Variants in TAOK1 observed in about 807,000 individuals in gnomAD.
The protein encoded by TAOK1 is serine/threonine-protein kinase TAO1.
TAOK1 carries 21 observed loss-of-function variants against 138.3 expected under a neutral mutation model. The observed-to-expected ratio is 0.15, with a 90% CI of 0.11 to 0.22. TAOK1 has a LOEUF of 0.22. Among genes scored for constraint, TAOK1 ranks in the 10% least tolerant of loss-of-function variants. The pLI is 1.00. For missense variants in TAOK1, 651 were observed against 1,227.7 expected, an observed-to-expected ratio of 0.53 and a Z score of 7.02; for synonymous variants, 361 against 398.4, an observed-to-expected ratio of 0.91 and a Z score of 1.12.
At chr17:29,444,532 T>C (rs2030028408) in intron 1 of TAOK1, among the ~76,000 whole-genome samples, 2 of 152,222 alleles carry the variant, frequency 1.3e-5, no homozygotes, top group South Asian at 2.1e-4. Context: ...TTTTTGACTT[T>C]TTCCTGTCTT....
Position 29,549,486 on chromosome 17 carries a change from C to A in TAOK1, c.*6464C>A, listed in dbSNP as rs2032455549. The A allele has an allele frequency of 6.6e-6, 1 of 152,136 alleles. No individual in the cohort carries two copies. Among genetic ancestry groups the A allele is most frequent in the Non-Finnish European group, 1.5e-5 (1 of 68,010 alleles). The allele number at this position is 152,136 out of a possible 1,614,324, so 9.4% of individuals were successfully genotyped here. On this transcript the variant is annotated 3_prime_UTR_variant, in exon 20 of 20. Coordinates refer to ENST00000261716, the MANE Select transcript of TAOK1 (RefSeq NM_020791.4). ...TAGGGCCACTTGAAAGCATGAAGAC[C>A]AGTTATATAGGGAACAGGTTTCTCT... is the stretch of plus-strand genomic sequence containing the variant.
chr17:29,509,659 C>T (rs2031684312), intron 14 of TAOK1, among the ~76,000 whole-genome samples: 1 of 151,786 alleles, frequency 6.6e-6, no homozygotes, highest in Non-Finnish European at 1.5e-5. Flanking sequence ...TTTGGGAGGC[C>T]GAGGTGAGAA....
intron 1 of TAOK1, among the ~76,000 whole-genome samples, chr17:29,417,283 G>T (rs188993963): frequency 6.6e-6 from 1 of 152,306 alleles, no homozygotes; most frequent in African/African-American, 2.4e-5. Flanking sequence ...CCTAAGTGCT[G>T]GGATTACAGG....
At chr17:29,442,053 T>G (rs116002361) in intron 1 of TAOK1, among the ~76,000 whole-genome samples, 404 of 152,158 alleles carry the variant, frequency 2.7e-3, no homozygotes, top group Middle Eastern at 0.01. Flanking sequence ...CTGTCTTTTT[T>G]TTTGTTTGTT....
At chr17:29,536,979 C>G (rs2032234577) in intron 19 of TAOK1, among the ~76,000 whole-genome samples, 1 of 152,094 alleles carries the variant, frequency 6.6e-6, no homozygotes, top group South Asian at 2.1e-4. Context: ...GGATTACAGG[C>G]GTGAGCCACA....
chr17:29,422,088 A>G (rs371929772), intron 1 of TAOK1, among the ~76,000 whole-genome samples: 1,630 of 151,940 alleles, frequency 0.011, 36 homozygotes, highest in African/African-American at 0.037. Flanking sequence ...TAGTAGAGAC[A>G]GGGTTTCACT....
intron 2 of TAOK1, among the ~76,000 whole-genome samples, chr17:29,457,089 CTTTTTTTT>C (rs548221652): frequency 2.8e-5 from 3 of 107,408 alleles, no homozygotes; most frequent in African/African-American, 7.6e-5. Context: ...TTTTCTTTTT[CTTTTTTTT>C]TTTTTTTTTT....
At chr17:29,441,848 A>G (rs1465290387) in intron 1 of TAOK1, among the ~76,000 whole-genome samples, 1 of 151,938 alleles carries the variant, frequency 6.6e-6, no homozygotes, top group East Asian at 1.9e-4. Flanking sequence ...CAGTGTGCCA[A>G]GGTCGCCGCC....
At position 29,544,266 on chromosome 17, in the gene TAOK1, C is replaced by G. The variant is rs997045305; in HGVS notation, c.*1244C>G. On this transcript the variant is annotated 3_prime_UTR_variant, in exon 20 of 20. Transcript: ENST00000261716. ...AGCCAATGACTTTACCAGCTGCTGA[C>G]TAATCTTCATCACCACTGTAGATTT... The G allele has an allele frequency of 6.6e-6, 1 of 152,652 alleles. No individual in the cohort carries two copies. The highest frequency in any genetic ancestry group is 6.5e-5 in the Admixed American group (1 of 15,286). 9.5% of individuals were successfully genotyped at this position (152,652 alleles called of 1,614,324 possible).
intron 2 of TAOK1, among the ~76,000 whole-genome samples, chr17:29,453,809 G>GTT (rs532165582): frequency 1.3e-4 from 16 of 120,256 alleles, no homozygotes; most frequent in African/African-American, 3.3e-4. Context: ...AGGTTTTTTT[G>GTT]TTTTTTTTTT....
At position 29,478,162 on chromosome 17, in the gene TAOK1, T is replaced by A. The variant is rs2030986230; in HGVS notation, c.353-89T>A. 6.4e-6 allele frequency: 5 copies of A among 786,034 alleles called. No homozygotes were observed. In the Admixed American group the frequency reaches 1.5e-4, roughly 24 times the overall value. 48.7% of individuals were successfully genotyped at this position (786,034 alleles called of 1,614,324 possible). A position where few individuals can be genotyped will look rare whatever the true frequency, so the allele number is the denominator to read the frequency against. On this transcript the variant is annotated intron_variant, in intron 5 of 19. Transcript: ENST00000261716. ...AAAATAAATCTCTTCTTGCTAAGTA[T>A]CAGTTTTTAAAAATTGCCCCATGTA...
intron 1 of TAOK1, among the ~76,000 whole-genome samples, chr17:29,427,753 C>T (rs1286622166): frequency 3.3e-5 from 5 of 151,748 alleles, no homozygotes; most frequent in African/African-American, 4.8e-5. Context: ...ATGGTGAAAC[C>T]TTGTCTCCAC....
chr17:29,417,377 G>A (rs542911838), intron 1 of TAOK1, among the ~76,000 whole-genome samples: 24 of 152,218 alleles, frequency 1.6e-4, no homozygotes, highest in African/African-American at 5.5e-4. Context: ...AATTCCTTAT[G>A]TATTCAGGAT....
At chr17:29,450,285 C>T (rs1264826301) in intron 1 of TAOK1, among the ~76,000 whole-genome samples, 1 of 152,132 alleles carries the variant, frequency 6.6e-6, no homozygotes, top group East Asian at 1.9e-4. Context: ...GAAGATCTTG[C>T]TGTGTTGTCT....
At chr17:29,462,860 C>T (rs368769681) in intron 2 of TAOK1, among the ~76,000 whole-genome samples, 1 of 152,192 alleles carries the variant, frequency 6.6e-6, no homozygotes, top group African/African-American at 2.4e-5. Flanking sequence ...CTCTCAACAG[C>T]ATCTAGTTTG....
rs552551334 is a variant in TAOK1 at position 29,481,812 on chromosome 17, T to C, written c.564-385T>C. Among the ~76,000 whole-genome samples, 28 of 151,892 alleles carry C rather than the reference T, an allele frequency of 1.8e-4. No individual in the cohort carries two copies. The South Asian group carries it at 5.8e-3, about 32-fold the overall frequency. ...ATCTCTACTAAAAAATACAAAAAAT[T>C]AGCCAGGCATGGTGGCGGGCGCCTG... On this transcript the variant is annotated intron_variant, in intron 7 of 19. Coordinates refer to ENST00000261716, the MANE Select transcript of TAOK1 (RefSeq NM_020791.4).
chr17:29,484,295 T>C (rs2031122570), intron 8 of TAOK1, among the ~76,000 whole-genome samples: 1 of 152,234 alleles, frequency 6.6e-6, no homozygotes, highest in Admixed American at 6.5e-5. Context: ...ATCTTCACTT[T>C]TGTAATCTTT....
Position 29,548,752 on chromosome 17 carries a change from T to C in TAOK1, c.*5730T>C, listed in dbSNP as rs183382241. The C allele has an allele frequency of 6.6e-6, 1 of 152,274 alleles. No individual in the cohort carries two copies. The highest frequency in any genetic ancestry group is 2.4e-5 in the African/African-American group (1 of 41,564). The allele number at this position is 152,274 out of a possible 1,614,324, so 9.4% of individuals were successfully genotyped here. A position where few individuals can be genotyped will look rare whatever the true frequency, so the allele number is the denominator to read the frequency against. On this transcript the variant is annotated 3_prime_UTR_variant, in exon 20 of 20. Coordinates refer to ENST00000261716, the MANE Select transcript of TAOK1 (RefSeq NM_020791.4). ...CAAATTGACCTAGTTTCTGTATTTT[T>C]TTGTTTTTGTACTAAAGTTTATAGG...
intron 2 of TAOK1, among the ~76,000 whole-genome samples, chr17:29,461,357 T>G (rs1476131720): frequency 6.6e-6 from 1 of 152,194 alleles, no homozygotes; most frequent in Non-Finnish European, 1.5e-5. Context: ...GTTTTAGGAC[T>G]AAGGATCAGA....
Sources: gnomAD v4.1 joint callset for allele counts (sites outside exome capture counted in the v4.1 genomes callset) on GRCh38, gnomAD v4.1.1 for gene constraint, MANE v1.5 for transcripts, NCBI Gene and HGNC (gene_info 2026-07-23, HGNC 2026-07-21) for gene names.